ARHGAP6: variants seen among roughly 807,000 people sequenced by gnomAD.
ARHGAP6 encodes the protein rho GTPase-activating protein 6.
A neutral mutation model predicts 55.7 loss-of-function variants in ARHGAP6; 16 were observed. The observed-to-expected ratio is 0.29, with a 90% CI of 0.19 to 0.44. ARHGAP6 has a LOEUF of 0.44. Ranked by LOEUF, ARHGAP6 falls within the 20% of genes least tolerant of loss-of-function variation. ARHGAP6 has a pLI of 1.00. For missense variants in ARHGAP6, 698 were observed against 808.9 expected, an observed-to-expected ratio of 0.86 and a Z score of 1.66; for synonymous variants, 382 against 360.9, an observed-to-expected ratio of 1.06 and a Z score of -0.66.
At chrX:11,284,040 T>A (rs1353808411) in intron 1 of ARHGAP6, among the ~76,000 whole-genome samples, 1 of 112,024 alleles carries the variant, frequency 8.9e-6, no homozygotes, top group Non-Finnish European at 1.9e-5. Flanking sequence ...AGCTATCATA[T>A]CTGTAGTCCC....
intron 12 of ARHGAP6, among the ~76,000 whole-genome samples, chrX:11,141,363 T>A (rs960552127): frequency 9.6e-6 from 1 of 104,393 alleles, no homozygotes; most frequent in Admixed American, 1.0e-4. Flanking sequence ...AAATTAATTA[T>A]GTAAAAAAAG....
chrX:11,629,317 A>G (rs891673000), intron 1 of ARHGAP6, among the ~76,000 whole-genome samples: 6 of 111,333 alleles, frequency 5.4e-5, no homozygotes, highest in Non-Finnish European at 1.1e-4. Flanking sequence ...TGACCTACAA[A>G]TGTTCTCTGA....
chrX:11,344,017 A>G (rs1201872964), intron 1 of ARHGAP6, among the ~76,000 whole-genome samples: 2 of 112,204 alleles, frequency 1.8e-5, no homozygotes, highest in Non-Finnish European at 1.9e-5. Flanking sequence ...TAATTAAAAT[A>G]TATTTTATTA....
intron 2 of ARHGAP6, among the ~76,000 whole-genome samples, chrX:11,207,658 G>A (rs989104099): frequency 8.9e-6 from 1 of 112,053 alleles, no homozygotes; most frequent in Non-Finnish European, 1.9e-5. Context: ...GCAACGGGCT[G>A]TTTTTGTTTT....
intron 1 of ARHGAP6, among the ~76,000 whole-genome samples, chrX:11,487,437 A>G (rs2050522383): frequency 8.9e-6 from 1 of 112,071 alleles, no homozygotes; most frequent in Non-Finnish European, 1.9e-5. Context: ...ATGGGGACAT[A>G]TTGAAAGAAC....
intron 1 of ARHGAP6, among the ~76,000 whole-genome samples, chrX:11,654,926 A>C (rs1055050699): frequency 8.9e-6 from 1 of 112,319 alleles, no homozygotes; most frequent in African/African-American, 3.2e-5. Context: ...TCACCCTTTT[A>C]AAGTATACAA....
intron 1 of ARHGAP6, among the ~76,000 whole-genome samples, chrX:11,307,355 A>T (rs2048249107): frequency 9.0e-6 from 1 of 111,525 alleles, no homozygotes; most frequent in Admixed American, 9.5e-5. Flanking sequence ...TCTACCTGGC[A>T]TCTAATGCCC....
At chrX:11,581,743 G>A (rs1489884289) in intron 1 of ARHGAP6, among the ~76,000 whole-genome samples, 3 of 111,330 alleles carry the variant, frequency 2.7e-5, no homozygotes, top group Admixed American at 9.6e-5. Flanking sequence ...AAGTAGATGA[G>A]TGGTTGCTTA....
chrX:11,414,083 A>AT (rs1350239556), intron 1 of ARHGAP6, among the ~76,000 whole-genome samples: 2 of 112,291 alleles, frequency 1.8e-5, no homozygotes, highest in Admixed American at 1.9e-4. Context: ...TTTTGCCTTC[A>AT]TACTGATGTA....
In ARHGAP6 at chrX:11,183,591, C is replaced by T. The variant is rs370197689; in HGVS notation, c.1274-1473G>A. On this transcript the variant is annotated intron_variant, in intron 5 of 12. Coordinates refer to ENST00000337414, the MANE Select transcript of ARHGAP6 (RefSeq NM_013427.3). ...TAAAGGTCACACACTGTCATATGGT[C>T]GATGTGCCTTTTAGTCTCTTAATCT... Among the ~76,000 whole-genome samples, 8 of 111,991 alleles carry T rather than the reference C, an allele frequency of 7.1e-5. No homozygotes were observed. The East Asian group carries it at 2.3e-3, about 32-fold the overall frequency.
intron 1 of ARHGAP6, among the ~76,000 whole-genome samples, chrX:11,418,440 C>A (rs1355673382): frequency 9.0e-6 from 1 of 111,435 alleles, no homozygotes; most frequent in East Asian, 2.8e-4. Flanking sequence ...AACCCTTTAC[C>A]CATCAACCAG....
At chrX:11,497,410 T>C (rs1028284366) in intron 1 of ARHGAP6, among the ~76,000 whole-genome samples, 1 of 110,613 alleles carries the variant, frequency 9.0e-6, no homozygotes, top group Admixed American at 9.7e-5. Flanking sequence ...TAACCCCCAA[T>C]GTAATGGAAT....
chrX:11,659,084 T>C (rs1241037459), intron 1 of ARHGAP6, among the ~76,000 whole-genome samples: 2 of 111,579 alleles, frequency 1.8e-5, no homozygotes, highest in Non-Finnish European at 3.8e-5. Flanking sequence ...AATTCAAAGA[T>C]GAGTAACAGT....
chrX:11,191,153 T>C (rs1389380693), intron 3 of ARHGAP6, among the ~76,000 whole-genome samples: 1 of 112,897 alleles, frequency 8.9e-6, no homozygotes, highest in East Asian at 2.8e-4. Context: ...GTAAATATTT[T>C]AGGCTTTGTG....
chrX:11,357,460 G>A (rs773527792), intron 1 of ARHGAP6, among the ~76,000 whole-genome samples: 1 of 111,439 alleles, frequency 9.0e-6, no homozygotes, highest in Non-Finnish European at 1.9e-5. Flanking sequence ...TTTTAAGTTA[G>A]ATGAGGGATG....
rs773502142 is a variant in ARHGAP6, at chrX:11,527,009, G to A, written c.588+137232C>T. 9.2e-3 allele frequency among the ~76,000 whole-genome samples: 627 copies of A among 67,881 alleles called. 2 individuals carry two copies. Among genetic ancestry groups the A allele is most frequent in the Middle Eastern group, 0.044 (5 of 114 alleles). 58.9% of individuals were successfully genotyped at this position (67,881 alleles called of 115,157 possible). ...TCCTAATGATGCTTTGCTAATATGA[G>A]GAGTGTGTGTGTGTGTGTGTGTGTG... On this transcript the variant is annotated intron_variant, in intron 1 of 12. Coordinates refer to ENST00000337414, the MANE Select transcript of ARHGAP6 (RefSeq NM_013427.3).
intron 1 of ARHGAP6, among the ~76,000 whole-genome samples, chrX:11,405,834 T>C (rs1375344956): frequency 8.9e-6 from 1 of 111,925 alleles, no homozygotes; most frequent in Non-Finnish European, 1.9e-5. Flanking sequence ...TTTGTGACTT[T>C]GGAAAAGTTA....
intron 1 of ARHGAP6, among the ~76,000 whole-genome samples, chrX:11,414,023 C>G (rs747732148): frequency 8.9e-6 from 1 of 111,864 alleles, no homozygotes; most frequent in South Asian, 3.7e-4. Flanking sequence ...TTGCCCTTAT[C>G]TGAAATATAC....
chrX:11,152,238 A>G (rs1357582444), intron 10 of ARHGAP6, among the ~76,000 whole-genome samples: 2 of 112,327 alleles, frequency 1.8e-5, no homozygotes, highest in Non-Finnish European at 3.8e-5. Flanking sequence ...AACGTAGGCA[A>G]TCTGGCTCTG....
Sources: gnomAD v4.1 joint callset for allele counts (sites outside exome capture counted in the v4.1 genomes callset) on GRCh38, gnomAD v4.1.1 for gene constraint, MANE v1.5 for transcripts, NCBI Gene and HGNC (gene_info 2026-07-23, HGNC 2026-07-21) for gene names.